CAMTA1: variants seen among roughly 807,000 people sequenced by gnomAD.
CAMTA1 encodes calmodulin-binding transcription activator 1.
A neutral mutation model predicts 170.9 loss-of-function variants in CAMTA1; 27 were observed. The ratio of observed to expected loss-of-function variants is 0.16; its 90% CI spans 0.12 to 0.22. CAMTA1 has a LOEUF of 0.22. Among genes scored for constraint, CAMTA1 ranks in the 10% least tolerant of loss-of-function variants. CAMTA1 has a pLI of 1.00. For synonymous variants in CAMTA1, 833 were observed against 891.5 expected, an observed-to-expected ratio of 0.93 and a Z score of 1.17; for missense variants, 1,619 against 2,217.2, an observed-to-expected ratio of 0.73 and a Z score of 5.42.
At chr1:7,354,970 G>T (rs758886081) in intron 5 of CAMTA1, among the ~76,000 whole-genome samples, 6 of 152,008 alleles carry the variant, frequency 3.9e-5, no homozygotes, top group Non-Finnish European at 1.5e-5. Flanking sequence ...GGAAGGCTGA[G>T]GGGGGTGGAT....
Position 7,044,886 on chromosome 1 carries a change from GC to G in CAMTA1, c.235-46416del, listed in dbSNP as rs1705121769. Among the ~76,000 whole-genome samples, 1 of 83,514 alleles carries G rather than the reference GC, an allele frequency of 1.2e-5. No individual in the cohort carries two copies. The highest frequency in any genetic ancestry group is 6.1e-5 in the African/African-American group (1 of 16,484). The allele number at this position is 83,514 out of a possible 152,430, so 54.8% of individuals were successfully genotyped here. On this transcript the variant is annotated intron_variant, in intron 3 of 22. Coordinates refer to ENST00000303635, the MANE Select transcript of CAMTA1 (RefSeq NM_015215.4). This position sits in a 1 kb window ranked among gnomAD's most constrained non-coding sequence, Gnocchi z 5.0. ...TGCCTCCTCTCCCCATTAACATCCCGCCATTTTGATTAAAAAAAAAAATCCC... is the reference window on the plus strand; with the variant it reads ...TGCCTCCTCTCCCCATTAACATCCCGCATTTTGATTAAAAAAAAAAATCCC...
At chr1:7,602,129 TTCC>T (rs2095451220) in intron 6 of CAMTA1, among the ~76,000 whole-genome samples, 1 of 142,074 alleles carries the variant, frequency 7.0e-6, no homozygotes, top group Non-Finnish European at 1.5e-5. Flanking sequence ...CCTTCCTTCC[TTCC>T]TTCCTTCCTT....
chr1:6,813,325 G>T (rs1349722380), intron 1 of CAMTA1, among the ~76,000 whole-genome samples: 3 of 151,906 alleles, frequency 2.0e-5, no homozygotes, highest in Non-Finnish European at 4.4e-5. Flanking sequence ...GACAGACCTT[G>T]TGCTGTTTCT....
At chr1:7,275,541 A>G (rs1305601871) in intron 5 of CAMTA1, among the ~76,000 whole-genome samples, 1 of 152,162 alleles carries the variant, frequency 6.6e-6, no homozygotes, top group African/African-American at 2.4e-5. Flanking sequence ...ACAGAGAAAT[A>G]TACAAATTAT....
rs1167076480 is a variant in CAMTA1 at position 7,673,379 on chromosome 1, G to C, written c.2779+2342G>C. 6.6e-6 allele frequency among the ~76,000 whole-genome samples: 1 copy of C among 152,250 alleles called. No individual in the cohort carries two copies. Among genetic ancestry groups the C allele is most frequent in the Non-Finnish European group, 1.5e-5 (1 of 68,044 alleles). On this transcript the variant is annotated intron_variant, in intron 10 of 22. Coordinates refer to ENST00000303635, the MANE Select transcript of CAMTA1 (RefSeq NM_015215.4). The surrounding 1 kb of genome is among the most constrained non-coding windows in gnomAD (Gnocchi z 4.6). The stretch of plus-strand genomic sequence containing the variant: ...GCAGGGCGAGAGCAGTGAGTGAGAG[G>C]AGGTGTGTGAAGCACCTGGCCCAGT...
intron 4 of CAMTA1, among the ~76,000 whole-genome samples, chr1:7,152,483 T>C (rs1049827827): frequency 2.6e-5 from 4 of 152,152 alleles, no homozygotes; most frequent in African/African-American, 7.2e-5. Context: ...GAGGCTTTCA[T>C]TGGGATTTTG....
chr1:7,731,569 CTCA>C (rs2096733453), intron 11 of CAMTA1, among the ~76,000 whole-genome samples: 2 of 142,684 alleles, frequency 1.4e-5, no homozygotes, highest in Admixed American at 7.1e-5. Context: ...GACACTCTGT[CTCA>C]AAAAAAAAAA....
intron 5 of CAMTA1, among the ~76,000 whole-genome samples, chr1:7,264,670 C>A (rs900372760): frequency 6.6e-6 from 1 of 152,128 alleles, no homozygotes; most frequent in Non-Finnish European, 1.5e-5. Flanking sequence ...CTAGAAAATG[C>A]GGCAGCGTTA....
intron 4 of CAMTA1, among the ~76,000 whole-genome samples, chr1:7,161,525 A>C (rs1250917872): frequency 6.6e-6 from 1 of 151,918 alleles, no homozygotes; most frequent in South Asian, 2.1e-4. Flanking sequence ...TGTTCTCATG[A>C]TAGTGAATGA....
At chr1:7,417,603 C>G (rs572760045) in intron 5 of CAMTA1, among the ~76,000 whole-genome samples, 5 of 152,206 alleles carry the variant, frequency 3.3e-5, no homozygotes, top group Non-Finnish European at 5.9e-5. Flanking sequence ...TCCTGGTGTG[C>G]TGTTTTTTAA....
chr1:7,645,979 T>C (rs916775923), intron 7 of CAMTA1, among the ~76,000 whole-genome samples: 1 of 152,162 alleles, frequency 6.6e-6, no homozygotes, highest in African/African-American at 2.4e-5. Context: ...ACAAAGGCCA[T>C]GTTGAAAGTG....
chr1:7,268,111 T>C (rs1669194868), intron 5 of CAMTA1, among the ~76,000 whole-genome samples: 1 of 152,182 alleles, frequency 6.6e-6, no homozygotes, highest in Admixed American at 6.5e-5. Context: ...GCTCTGGCTT[T>C]CTGGCTGGAG....
chr1:7,737,810 G>A, intron 15 of CAMTA1, 149 bp from the exon 16 acceptor site: 1 of 830,420 alleles, frequency 1.2e-6, no homozygotes, highest in Non-Finnish European at 1.9e-6. Context: ...TGAATCTGGT[G>A]TATGCTACTG....
chr1:7,106,850 A>C (rs903469412), intron 4 of CAMTA1, among the ~76,000 whole-genome samples: 1 of 152,036 alleles, frequency 6.6e-6, no homozygotes, highest in Admixed American at 6.6e-5. Context: ...ATGGCTTAAT[A>C]TCTTGACTTT....
At chr1:7,479,887 C>A (rs1466469040) in intron 6 of CAMTA1, among the ~76,000 whole-genome samples, 1 of 152,102 alleles carries the variant, frequency 6.6e-6, no homozygotes, top group Non-Finnish European at 1.5e-5. Flanking sequence ...GTGTTCTGCA[C>A]CCCTAGAAGA....
chr1:6,794,840 A>C (rs1195878033), intron 1 of CAMTA1, among the ~76,000 whole-genome samples: 1 of 151,860 alleles, frequency 6.6e-6, no homozygotes, highest in South Asian at 2.1e-4. Flanking sequence ...AAATTTTTAT[A>C]ATCTTTTTTA....
chr1:7,092,224 T>C lies in CAMTA1; in HGVS notation c.302+853T>C, dbSNP rs1641582536. Reference sequence around the variant, plus strand: ...GCAGGCTTGAACTGAAGTGGTGGAATGTCCAGTTGGTTTCACGTTGGACAG... The same window carrying C: ...GCAGGCTTGAACTGAAGTGGTGGAACGTCCAGTTGGTTTCACGTTGGACAG... On this transcript the variant is annotated intron_variant, in intron 4 of 22. Transcript: ENST00000303635. The surrounding 1 kb of genome is among the most constrained non-coding windows in gnomAD (Gnocchi z 5.0). Among the ~76,000 whole-genome samples the C allele has an allele frequency of 6.6e-6, 1 of 152,200 alleles. No homozygotes were observed. Among genetic ancestry groups the C allele is most frequent in the Non-Finnish European group, 1.5e-5 (1 of 68,034 alleles).
intron 11 of CAMTA1, among the ~76,000 whole-genome samples, chr1:7,705,084 G>C (rs1225856660): frequency 6.6e-6 from 1 of 151,146 alleles, no homozygotes; most frequent in Non-Finnish European, 1.5e-5. Context: ...GGGCGTGCGC[G>C]GACCGGGCGT....
chr1:7,405,113 C>A (rs1004539097), intron 5 of CAMTA1, among the ~76,000 whole-genome samples: 2 of 151,924 alleles, frequency 1.3e-5, no homozygotes, highest in African/African-American at 4.8e-5. Flanking sequence ...GCTAAGAGGT[C>A]CCCGGGCCTT....
Sources: allele counts gnomAD v4.1 joint callset (sites outside exome capture counted in the v4.1 genomes callset), GRCh38; gene constraint gnomAD v4.1.1; non-coding constraint Gnocchi (gnomAD v3.1); transcripts MANE v1.5; gene names NCBI Gene and HGNC (gene_info 2026-07-23, HGNC 2026-07-21).